The following PUS7 variants were observed in gnomAD, a reference collection of about 807,000 sequenced individuals.
PUS7 encodes the protein pseudouridine synthase 7.
A neutral mutation model predicts 79.8 loss-of-function variants in PUS7; 48 were observed. The observed-to-expected ratio is 0.60, with a 90% CI of 0.48 to 0.76. PUS7 has a LOEUF of 0.76. Ranked by LOEUF, PUS7 falls within the 30% of genes least tolerant of loss-of-function variation. PUS7 has a pLI of 0.00. For missense variants in PUS7, 729 were observed against 797.6 expected, an observed-to-expected ratio of 0.91 and a Z score of 1.04; for synonymous variants, 286 against 272.2, an observed-to-expected ratio of 1.05 and a Z score of -0.50.
chr7:105,481,310 G>A (rs960930548), intron 8 of PUS7, 133 bp from the exon 9 acceptor site: 2 of 576,862 alleles, frequency 3.5e-6, no homozygotes, highest in Admixed American at 4.0e-5. Flanking sequence ...ACCTCCCAAG[G>A]GCTCTTTCTT....
intron 10 of PUS7, 88 bp downstream of exon 10, chr7:105,472,044 A>G: frequency 1.3e-6 from 1 of 787,778 alleles, no homozygotes. Flanking sequence ...AACAACGTCA[A>G]TTTGCACAAA....
At chr7:105,486,943 C>G (rs2133155695) in intron 7 of PUS7, among the ~76,000 whole-genome samples, 1 of 152,000 alleles carries the variant, frequency 6.6e-6, no homozygotes, top group Non-Finnish European at 1.5e-5. Context: ...ACCTGTAATC[C>G]CAGCTACTCG....
In PUS7 at chr7:105,489,913, G is replaced by A. The variant is rs1350715844; in HGVS notation, c.920+1627C>T. 3.9e-5 allele frequency among the ~76,000 whole-genome samples: 6 copies of A among 152,098 alleles called. 1 individual carries two copies. On this transcript the variant is annotated intron_variant, in intron 7 of 15. Transcript: ENST00000469408. ...GTGGGTGGATCACCTGAGGTCAGGAGTTCAAGACCAGCCTGGCCAACATGG... is the reference window on the plus strand; with the variant it reads ...GTGGGTGGATCACCTGAGGTCAGGAATTCAAGACCAGCCTGGCCAACATGG...
intron 9 of PUS7, among the ~76,000 whole-genome samples, chr7:105,472,874 C>T (rs1345985185): frequency 1.3e-5 from 2 of 151,354 alleles, no homozygotes; most frequent in African/African-American, 4.9e-5. Flanking sequence ...CTGTCTCAGC[C>T]TCCTGAGTAG....
chr7:105,520,435 A>G (rs184298705), intron 1 of PUS7, among the ~76,000 whole-genome samples: 3 of 120,654 alleles, frequency 2.5e-5, no homozygotes, highest in African/African-American at 7.7e-5. Flanking sequence ...ATACATCTCC[A>G]GCCCTCAAGC....
chr7:105,521,392 A>G (rs73190178), intron 1 of PUS7, among the ~76,000 whole-genome samples: 15,873 of 146,040 alleles, frequency 0.11, no homozygotes, highest in South Asian at 0.2. Context: ...GACGAGGAGG[A>G]CTCGAATTTC....
At chr7:105,492,817 A>T (rs547297973) in intron 6 of PUS7, among the ~76,000 whole-genome samples, 37 of 150,112 alleles carry the variant, frequency 2.5e-4, no homozygotes, top group African/African-American at 9.1e-4. Flanking sequence ...GATTTTTTGT[A>T]TTTTTAATAG....
At chr7:105,459,078 C>CT in intron 15 of PUS7, 90 bp downstream of exon 15, 2 of 677,916 alleles carry the variant, frequency 3.0e-6, no homozygotes, top group Admixed American at 5.6e-5. Flanking sequence ...GGTGGTAGTG[C>CT]TTGTAAGAGC....
intron 12 of PUS7, among the ~76,000 whole-genome samples, chr7:105,467,034 GTTTTTTTTTTTT>G (rs56177512): frequency 3.5e-4 from 25 of 70,696 alleles, no homozygotes; most frequent in East Asian, 2.6e-3. Context: ...AGTTTTTTCT[GTTTTTTTTTTTT>G]TTTTTTTTTT....
intron 5 of PUS7, 100 bp from the exon 6 acceptor site, chr7:105,495,353 T>C: frequency 2.9e-6 from 2 of 696,738 alleles, no homozygotes; most frequent in Non-Finnish European, 5.0e-6. Flanking sequence ...AAATCAGTTC[T>C]AGTCTGATAA....
At chr7:105,467,507 T>C (rs1479677947) in intron 12 of PUS7, among the ~76,000 whole-genome samples, 1 of 151,538 alleles carries the variant, frequency 6.6e-6, no homozygotes, top group Admixed American at 6.6e-5. Flanking sequence ...GCCAGGATGG[T>C]CTCGATCTCC....
At chr7:105,487,093 T>C (rs908027812) in intron 7 of PUS7, among the ~76,000 whole-genome samples, 2 of 151,992 alleles carry the variant, frequency 1.3e-5, no homozygotes, top group South Asian at 2.1e-4. Flanking sequence ...AATATATATA[T>C]ACACATGTAT....
At chr7:105,512,471 A>G (rs1275240710) in intron 1 of PUS7, among the ~76,000 whole-genome samples, 4 of 152,200 alleles carry the variant, frequency 2.6e-5, no homozygotes, top group Non-Finnish European at 5.9e-5. Flanking sequence ...AAACCTAACC[A>G]AAGACTACAA....
intron 7 of PUS7, among the ~76,000 whole-genome samples, chr7:105,483,137 CTA>C (rs1469716901): frequency 3.3e-5 from 5 of 151,566 alleles, no homozygotes; most frequent in Non-Finnish European, 1.5e-5. Flanking sequence ...CTTTTTATCT[CTA>C]GTGTCACCAC....
At chr7:105,473,136 A>C (rs936349583) in intron 9 of PUS7, among the ~76,000 whole-genome samples, 5 of 152,194 alleles carry the variant, frequency 3.3e-5, no homozygotes, top group Non-Finnish European at 5.9e-5. Flanking sequence ...CAAAAGATTT[A>C]TCTATGTTAA....
At chr7:105,518,062 C>A (rs1383843922) in intron 1 of PUS7, among the ~76,000 whole-genome samples, 1 of 151,890 alleles carries the variant, frequency 6.6e-6, no homozygotes, top group Admixed American at 6.6e-5. Context: ...ACAGGAGAAT[C>A]GCTTGAACTG....
chr7:105,467,939 C>CT (rs113145205), intron 12 of PUS7, among the ~76,000 whole-genome samples: 99 of 147,112 alleles, frequency 6.7e-4, no homozygotes, highest in African/African-American at 1.4e-3. Flanking sequence ...CTAGACATCT[C>CT]TTTTTTTTTT....
chr7:105,466,139 T>G (rs1027450296), intron 12 of PUS7, among the ~76,000 whole-genome samples: 1 of 144,038 alleles, frequency 6.9e-6, no homozygotes, highest in African/African-American at 2.6e-5. Context: ...TCCTGGGTCT[T>G]GGAGTGAGAC....
In PUS7 at chr7:105,506,210, C is replaced by G; in HGVS notation, c.462G>C (p.Leu154Phe). ...CTACCTCCTCATCCACTGGAATGGA[C>G]AAGTCATTCAAATGGCTGATCCGTC... is the stretch of plus-strand genomic sequence containing the variant. ...KDGRISHLND[L>F]SIPVDEEDPS... is the part of the protein sequence containing the mutation. The change falls in exon 3 of 16, where the codon TTG (leucine) becomes TTC (phenylalanine). Residue 154 changes from leucine to phenylalanine, a missense_variant. By Grantham distance (22) the Leu-to-Phe change is conservative. Coordinates refer to ENST00000469408, the MANE Select transcript of PUS7 (RefSeq NM_019042.5). 1 of 1,613,228 alleles carries G rather than the reference C, an allele frequency of 6.2e-7. No individual in the cohort carries two copies. The highest frequency in any genetic ancestry group is 8.5e-7 in the Non-Finnish European group (1 of 1,179,520).
Sources: allele counts gnomAD v4.1 joint callset (sites outside exome capture counted in the v4.1 genomes callset), GRCh38; gene constraint gnomAD v4.1.1; transcripts MANE v1.5; gene names NCBI Gene and HGNC (gene_info 2026-07-23, HGNC 2026-07-21).